The following ZNF600 variants were observed in gnomAD, a reference collection of about 807,000 sequenced individuals.
ZNF600 encodes the protein zinc finger protein 600, also known as zinc finger protein KR-ZNF1.
In ZNF600, 4 loss-of-function variants were observed where a neutral mutation model predicts 7.3. That is an observed-to-expected ratio of 0.55 (90% CI 0.27 to 1.25). The LOEUF (loss-of-function observed/expected upper bound fraction) is 1.25. Ranked by LOEUF, ZNF600 falls within the 50% of genes most tolerant of loss-of-function variation. ZNF600 has a pLI of 0.12. For synonymous variants in ZNF600, 290 were observed against 308.9 expected (o/e 0.94, Z 0.64); for missense variants, 911 against 922.1 (o/e 0.99, Z 0.16).
At chr19:52,820,688 C>T in the ZNF600 span, among the ~76,000 whole-genome samples, 2 of 152,186 alleles carry the variant, frequency 1.3e-5, no homozygotes, top group African/African-American at 4.8e-5. Flanking sequence ...CTCCACATTT[C>T]TGCCCCTCTC....
chr19:52,804,150 A>G, the ZNF600 span, among the ~76,000 whole-genome samples: 33 of 152,266 alleles, frequency 2.2e-4, no homozygotes, highest in African/African-American at 7.2e-4. Flanking sequence ...CTGTATTAGG[A>G]CACAGCAGGA....
the ZNF600 span, among the ~76,000 whole-genome samples, chr19:52,809,249 G>A: frequency 6.6e-6 from 1 of 152,170 alleles, no homozygotes; most frequent in Non-Finnish European, 1.5e-5. Flanking sequence ...GATATCTGTA[G>A]TAATGCGGAC....
chr19:52,828,351 G>A, the ZNF600 span, among the ~76,000 whole-genome samples: 1 of 151,984 alleles, frequency 6.6e-6, no homozygotes, highest in Non-Finnish European at 1.5e-5. Context: ...TGCACCCGGT[G>A]GCACTTTGTG....
chr19:52,786,171 G>A (rs371084240), intron 1 of ZNF600, among the ~76,000 whole-genome samples: 1 of 149,524 alleles, frequency 6.7e-6, no homozygotes, highest in African/African-American at 2.5e-5. Context: ...GGACAGGAAA[G>A]AACACCTGGT....
chr19:52,808,130 G>C, the ZNF600 span: 114 of 1,613,036 alleles, frequency 7.1e-5, no homozygotes, highest in Non-Finnish European at 9.1e-5. Flanking sequence ...AATGTCAATA[G>C]ACCCTGAAAT....
chr19:52,829,800 C>T, the ZNF600 span, among the ~76,000 whole-genome samples: 2 of 152,010 alleles, frequency 1.3e-5, no homozygotes, highest in South Asian at 4.2e-4. Flanking sequence ...GTGTGAGCCA[C>T]CATGGCCAGC....
upstream of ZNF600, among the ~76,000 whole-genome samples, chr19:52,786,999 A>T (rs149959641): frequency 6.6e-6 from 1 of 152,268 alleles, no homozygotes; most frequent in Admixed American, 6.5e-5. Flanking sequence ...CCCTGGAATT[A>T]TCTGGAACGG....
At chr19:52,798,903 C>A in the ZNF600 span, 1 of 1,431,412 alleles carries the variant, frequency 7.0e-7, no homozygotes, top group Non-Finnish European at 9.4e-7. Flanking sequence ...GGTGACTGCC[C>A]ACTAAAGGCT....
At chr19:52,790,558 A>G (rs2062788541), upstream of ZNF600, among the ~76,000 whole-genome samples, 1 of 152,102 alleles carries the variant, frequency 6.6e-6, no homozygotes. Flanking sequence ...CCTATCTTTC[A>G]AGCTCTTTGG....
At chr19:52,818,796 T>C in the ZNF600 span, among the ~76,000 whole-genome samples, 1 of 146,126 alleles carries the variant, frequency 6.8e-6, no homozygotes, top group Non-Finnish European at 1.5e-5. Flanking sequence ...GGCACAAGAA[T>C]CACTTGAACC....
chr19:52,774,039 T>G (rs891144771), intron 3 of ZNF600, among the ~76,000 whole-genome samples: 1 of 151,842 alleles, frequency 6.6e-6, no homozygotes, highest in Non-Finnish European at 1.5e-5. Flanking sequence ...TTTATAATAG[T>G]AAAGAGAAGA....
the ZNF600 span, among the ~76,000 whole-genome samples, chr19:52,806,755 A>T: frequency 6.6e-6 from 1 of 152,064 alleles, no homozygotes; most frequent in East Asian, 1.9e-4. Context: ...CACAAAAATT[A>T]GCTGGGCATG....
intron 3 of ZNF600, among the ~76,000 whole-genome samples, chr19:52,773,552 G>A (rs999539586): frequency 2.0e-5 from 3 of 152,098 alleles, no homozygotes; most frequent in Admixed American, 1.3e-4. Flanking sequence ...GGATGCCCTG[G>A]CTGAGTAGGT....
the ZNF600 span, chr19:52,821,542 G>A: frequency 1.3e-5 from 2 of 152,188 alleles, no homozygotes; most frequent in African/African-American, 4.8e-5. Context: ...AAGTGCCGGG[G>A]ACCTGGGAAG....
chr19:52,796,974 G>T, the ZNF600 span, among the ~76,000 whole-genome samples: 1 of 152,062 alleles, frequency 6.6e-6, no homozygotes, highest in Non-Finnish European at 1.5e-5. Context: ...ATTTTTTCAT[G>T]AACTTCGTGA....
At chr19:52,815,245 G>C in the ZNF600 span, among the ~76,000 whole-genome samples, 1 of 145,628 alleles carries the variant, frequency 6.9e-6, no homozygotes, top group Admixed American at 6.9e-5. Flanking sequence ...CCCGGGCACA[G>C]TGGCTCACAC....
At chr19:52,808,213 C>G in the ZNF600 span, 1 of 1,583,048 alleles carries the variant, frequency 6.3e-7, no homozygotes, top group South Asian at 1.2e-5. Context: ...AGGGGGAAAG[C>G]ATGGATTTAG....
At chr19:52,805,742 G>A in the ZNF600 span, 1 of 152,032 alleles carries the variant, frequency 6.6e-6, no homozygotes, top group Admixed American at 6.6e-5. Context: ...CAACACTTTG[G>A]GAGGATGAGC....
chr19:52,775,499 A>C (rs9797909), intron 2 of ZNF600, among the ~76,000 whole-genome samples: 1 of 151,468 alleles, frequency 6.6e-6, no homozygotes, highest in Non-Finnish European at 1.5e-5. Context: ...ACAGTGAGCC[A>C]AGATCGCACC....
Sources: allele counts gnomAD v4.1 joint callset (sites outside exome capture counted in the v4.1 genomes callset), GRCh38; gene constraint gnomAD v4.1.1; transcripts MANE v1.5; gene names NCBI Gene and HGNC (gene_info 2026-07-23, HGNC 2026-07-21).